The following C8orf34 variants were observed in gnomAD, a reference collection of about 807,000 sequenced individuals.
C8orf34 encodes uncharacterized protein C8orf34.
A neutral mutation model predicts 68.3 loss-of-function variants in C8orf34; 65 were observed. The ratio of observed to expected loss-of-function variants is 0.95; its 90% CI spans 0.78 to 1.17. The LOEUF is 1.17. Ranked by LOEUF, C8orf34 falls within the 50% of genes most tolerant of loss-of-function variation. The pLI is 0.00. For synonymous variants in C8orf34, 244 were observed against 241.2 expected, an observed-to-expected ratio of 1.01 and a Z score of -0.11; for missense variants, 664 against 655.4, an observed-to-expected ratio of 1.01 and a Z score of -0.14.
chr8:68,743,900 C>T (rs1822388075), intron 10 of C8orf34, among the ~76,000 whole-genome samples: 1 of 152,204 alleles, frequency 6.6e-6, no homozygotes, highest in African/African-American at 2.4e-5. Flanking sequence ...AGGAGGCCTG[C>T]CTGCCTCTGT....
At chr8:68,462,795 T>C (rs1014693243) in intron 3 of C8orf34, among the ~76,000 whole-genome samples, 1 of 150,506 alleles carries the variant, frequency 6.6e-6, no homozygotes, top group African/African-American at 2.4e-5. Context: ...CAAAGCAGTG[T>C]GTAGAGGGAA....
At chr8:68,673,175 T>C (rs1255583737) in intron 8 of C8orf34, among the ~76,000 whole-genome samples, 1 of 152,120 alleles carries the variant, frequency 6.6e-6, no homozygotes, top group Non-Finnish European at 1.5e-5. Flanking sequence ...ATGTGTGGGC[T>C]TCAGCTGTGA....
chr8:68,789,692 G>A (rs141845920), intron 12 of C8orf34, among the ~76,000 whole-genome samples: 200 of 152,054 alleles, frequency 1.3e-3, no homozygotes, highest in African/African-American at 4.4e-3. Context: ...AATATCAGAA[G>A]AATTAGTAAA....
intron 7 of C8orf34, among the ~76,000 whole-genome samples, chr8:68,628,441 C>G (rs1470930588): frequency 6.6e-6 from 1 of 152,054 alleles, no homozygotes; most frequent in Non-Finnish European, 1.5e-5. Flanking sequence ...TTTCTTTTCC[C>G]CTTTTTAGGA....
In C8orf34 at chr8:68,796,441, G is replaced by A. The variant is rs190368436; in HGVS notation, c.1549+8905G>A. Among the ~76,000 whole-genome samples the A allele has an allele frequency of 7.2e-5, 11 of 152,146 alleles. No homozygotes were observed. In the East Asian group the frequency reaches 1.5e-3, roughly 21 times the overall value. The stretch of plus-strand genomic sequence containing the variant: ...ATGGAAGTATGATATTTTCAAAATC[G>A]GGTATAGAACCAGATTAAATCTGCC... On this transcript the variant is annotated intron_variant, in intron 12 of 13. Transcript: ENST00000518698.
intron 5 of C8orf34, among the ~76,000 whole-genome samples, chr8:68,488,846 C>G (rs1813189003): frequency 6.6e-6 from 1 of 151,946 alleles, no homozygotes; most frequent in Non-Finnish European, 1.5e-5. Context: ...CTCAAAAGCC[C>G]TTTACATTGT....
intron 12 of C8orf34, among the ~76,000 whole-genome samples, chr8:68,799,023 G>C (rs1358758262): frequency 1.3e-5 from 2 of 152,138 alleles, no homozygotes; most frequent in Non-Finnish European, 2.9e-5. Flanking sequence ...GTCATAACAA[G>C]CATCAGAGAA....
rs1443593159 is a variant in C8orf34, at chr8:68,331,270, C to T, written c.258C>T (p.Pro86=). Reference sequence around the variant, plus strand: ...TCTCTTCGCGGTCCCATCTGTTCCCCATGGCGTCTCATCCGCAAACCCGGA... The same window carrying T: ...TCTCTTCGCGGTCCCATCTGTTCCCTATGGCGTCTCATCCGCAAACCCGGA... ...PALSSRSHLF[P]MASHPQTRIQ... The change falls in exon 1 of 14, where the codon CCC becomes CCT. Residue 86 remains proline (P), a synonymous_variant. Coordinates refer to ENST00000518698, the MANE Select transcript of C8orf34 (RefSeq NM_052958.4). 2.0e-6 allele frequency: 3 copies of T among 1,536,318 alleles called. No homozygotes were observed. Among genetic ancestry groups the T allele is most frequent in the African/African-American group, 2.7e-5 (2 of 73,056 alleles).
chr8:68,390,603 G>T (rs528784039), intron 1 of C8orf34, among the ~76,000 whole-genome samples: 1 of 152,204 alleles, frequency 6.6e-6, no homozygotes, highest in South Asian at 2.1e-4. Flanking sequence ...ATTTTATCAA[G>T]TTTGGATGGT....
At position 68,644,936 on chromosome 8, in the gene C8orf34, T is replaced by G. The variant is rs115791047; in HGVS notation, c.1241+4425T>G. 8.9e-3 allele frequency among the ~76,000 whole-genome samples: 1,361 copies of G among 152,332 alleles called. 31 individuals carry two copies. Among genetic ancestry groups the G allele is most frequent in the African/African-American group, 0.028 (1,170 of 41,572 alleles). Reference sequence around the variant, plus strand: ...CGCAGATGAGAGGAGAATGCAGAATTCATAGAGCAAAACCATACATTGGAT... The same window carrying G: ...CGCAGATGAGAGGAGAATGCAGAATGCATAGAGCAAAACCATACATTGGAT... On this transcript the variant is annotated intron_variant, in intron 8 of 13. Transcript: ENST00000518698.
intron 6 of C8orf34, among the ~76,000 whole-genome samples, chr8:68,531,772 A>G (rs1014369364): frequency 1.3e-5 from 2 of 152,062 alleles, no homozygotes; most frequent in Non-Finnish European, 2.9e-5. Context: ...ATAAAGCAAG[A>G]GGAACCAAAA....
At chr8:68,803,806 C>A (rs1824401998) in intron 12 of C8orf34, among the ~76,000 whole-genome samples, 1 of 151,956 alleles carries the variant, frequency 6.6e-6, no homozygotes, top group Non-Finnish European at 1.5e-5. Context: ...AGATGGTGAT[C>A]AGTGGGTCAT....
At chr8:68,541,205 G>A (rs1005055218) in intron 7 of C8orf34, among the ~76,000 whole-genome samples, 1 of 152,138 alleles carries the variant, frequency 6.6e-6, no homozygotes, top group African/African-American at 2.4e-5. Context: ...GCTCACACCT[G>A]TAATCCTAAC....
intron 7 of C8orf34, among the ~76,000 whole-genome samples, chr8:68,626,909 G>C (rs1439492693): frequency 6.6e-6 from 1 of 152,092 alleles, no homozygotes; most frequent in Admixed American, 6.5e-5. Context: ...GGTGAGAAAA[G>C]CTTTTCAAAA....
At chr8:68,589,865 G>C (rs1391842946) in intron 7 of C8orf34, among the ~76,000 whole-genome samples, 1 of 141,216 alleles carries the variant, frequency 7.1e-6, no homozygotes, top group Non-Finnish European at 1.5e-5. Flanking sequence ...AAATGAGTGA[G>C]GGAGGGAGAG....
At chr8:68,818,133 C>A in intron 13 of C8orf34, 106 bp from the exon 14 acceptor site, 1 of 1,096,992 alleles carries the variant, frequency 9.1e-7, no homozygotes, top group Non-Finnish European at 1.4e-6. Flanking sequence ...TTCAAAAGTT[C>A]ATTGGAATAG....
chr8:68,592,995 A>G (rs762380504), intron 7 of C8orf34, among the ~76,000 whole-genome samples: 1 of 152,114 alleles, frequency 6.6e-6, no homozygotes, highest in East Asian at 1.9e-4. Context: ...AAGGGAATGC[A>G]TCTCAAGTTA....
chr8:68,480,677 G>A (rs905676614), intron 4 of C8orf34, among the ~76,000 whole-genome samples: 11 of 152,190 alleles, frequency 7.2e-5, no homozygotes, highest in Admixed American at 6.5e-4. Flanking sequence ...AACTGGAGCA[G>A]AGGTGACTCT....
chr8:68,481,119 C>T (rs1812840196), intron 4 of C8orf34, among the ~76,000 whole-genome samples: 1 of 151,106 alleles, frequency 6.6e-6, no homozygotes, highest in Admixed American at 6.6e-5. Flanking sequence ...ATATTGTGTG[C>T]ACGGGGTGCC....
Sources: allele counts gnomAD v4.1 joint callset (sites outside exome capture counted in the v4.1 genomes callset), GRCh38; gene constraint gnomAD v4.1.1; transcripts MANE v1.5; gene names NCBI Gene and HGNC (gene_info 2026-07-23, HGNC 2026-07-21).